PALLD: variants seen among roughly 807,000 people sequenced by gnomAD.
PALLD encodes the protein palladin, cytoskeletal associated protein.
A neutral mutation model predicts 123.5 loss-of-function variants in PALLD; 61 were observed. That is an observed-to-expected ratio of 0.49 (90% CI 0.40 to 0.61). The LOEUF is 0.61. PALLD is among the 20% of genes least tolerant of loss of function. The pLI is 0.00. For missense variants in PALLD, 1,273 were observed against 1,377.0 expected (o/e 0.92, Z 1.20); for synonymous variants, 465 against 496.4 (o/e 0.94, Z 0.84).
intron 2 of PALLD, among the ~76,000 whole-genome samples, chr4:168,639,093 C>T (rs886788217): frequency 3.3e-5 from 5 of 152,178 alleles, no homozygotes; most frequent in African/African-American, 4.8e-5. Flanking sequence ...AGATCAAATG[C>T]CAATTTCCCC....
At chr4:168,916,684 CT>C (rs545906704) in intron 17 of PALLD, among the ~76,000 whole-genome samples, 51 of 136,452 alleles carry the variant, frequency 3.7e-4, no homozygotes, top group African/African-American at 5.1e-4. Flanking sequence ...TTTTCTAATT[CT>C]TTTTTTTTTT....
chr4:168,878,130 C>G lies in PALLD; in HGVS notation c.1965-12792C>G, dbSNP rs1430600488. 2.0e-6 allele frequency: 3 copies of G among 1,483,096 alleles called. No individual in the cohort carries two copies. Among genetic ancestry groups the G allele is most frequent in the Non-Finnish European group, 1.8e-6 (2 of 1,124,134 alleles). 91.9% of individuals were successfully genotyped at this position (1,483,096 alleles called of 1,614,324 possible). A position where few individuals can be genotyped will look rare whatever the true frequency, so the allele number is the denominator to read the frequency against. On this transcript the variant is annotated intron_variant, in intron 10 of 21. Transcript: ENST00000505667. ...CCCTTCGGCGCTGAGCCCGAGGCCC[C>G]GTGGGGCTCCTCCTCGCCGTCGCCC...
At chr4:168,909,274 A>C (rs1758421085) in intron 15 of PALLD, among the ~76,000 whole-genome samples, 1 of 152,164 alleles carries the variant, frequency 6.6e-6, no homozygotes. Context: ...ATGTTTCCTC[A>C]AACTGCATTA....
At chr4:168,828,848 G>A (rs181807747) in intron 10 of PALLD, 150 of 152,388 alleles carry the variant, frequency 9.8e-4, no homozygotes, top group African/African-American at 3.3e-3. Context: ...CAGCGAAGCT[G>A]GAGGGAGTTC....
intron 11 of PALLD, among the ~76,000 whole-genome samples, chr4:168,892,364 C>T (rs546357556): frequency 3.3e-5 from 5 of 152,192 alleles, no homozygotes; most frequent in Admixed American, 1.3e-4. Flanking sequence ...AGAAAGCTCT[C>T]TATAATTATG....
intron 11 of PALLD, among the ~76,000 whole-genome samples, chr4:168,892,619 T>C (rs1490905329): frequency 1.3e-5 from 2 of 152,152 alleles, no homozygotes; most frequent in African/African-American, 4.8e-5. Context: ...CATGTGTAAA[T>C]GTACATACTC....
At chr4:168,608,859 T>TC (rs1281728475) in intron 2 of PALLD, among the ~76,000 whole-genome samples, 5 of 151,924 alleles carry the variant, frequency 3.3e-5, no homozygotes, top group Admixed American at 3.3e-4. Context: ...TATTTTTTTT[T>TC]TTTTTTTGCC....
chr4:168,752,153 G>C (rs1355907856), intron 10 of PALLD, among the ~76,000 whole-genome samples: 1 of 152,202 alleles, frequency 6.6e-6, no homozygotes, highest in Non-Finnish European at 1.5e-5. Context: ...CGGGTGGATT[G>C]CTTGAGCACA....
intron 2 of PALLD, among the ~76,000 whole-genome samples, chr4:168,540,806 GAA>G (rs137855493): frequency 1.0e-4 from 15 of 143,482 alleles, no homozygotes; most frequent in Middle Eastern, 3.6e-3. Flanking sequence ...CAGGTGGGAA[GAA>G]AAAAAAAAAA....
Position 168,890,933 on chromosome 4 carries a change from A to T in PALLD, c.1976A>T (p.Lys659Met), listed in dbSNP as rs766621175. The change falls in exon 11 of 22, where the codon AAG becomes ATG. Residue 659 changes from lysine (K) to methionine (M), a missense_variant. Coordinates refer to ENST00000505667, the MANE Select transcript of PALLD (RefSeq NM_001166108.2). ...TTTTTATCCTGCAGAGGATTTCCAA[A>T]GAAGGCCAGTAGAACTGCTAGAATA... ...LLAKPKLGFP[K>M]KASRTARIAS... is the part of the protein sequence containing the mutation. 1.2e-6 allele frequency: 2 copies of T among 1,613,966 alleles called. No homozygotes were observed. The highest frequency in any genetic ancestry group is 2.2e-5 in the South Asian group (2 of 91,084).
chr4:168,559,624 T>A (rs553540227), intron 2 of PALLD, among the ~76,000 whole-genome samples: 1 of 152,126 alleles, frequency 6.6e-6, no homozygotes, highest in East Asian at 1.9e-4. Context: ...AGGCTGGGTG[T>A]GGTGGCTCAC....
At chr4:168,676,832 G>A (rs956820491) in intron 3 of PALLD, among the ~76,000 whole-genome samples, 2 of 151,922 alleles carry the variant, frequency 1.3e-5, no homozygotes, top group Non-Finnish European at 2.9e-5. Flanking sequence ...GCCCACCTCG[G>A]CCTCCCAAAG....
At chr4:168,546,133 G>A (rs1766113466) in intron 2 of PALLD, among the ~76,000 whole-genome samples, 1 of 152,064 alleles carries the variant, frequency 6.6e-6, no homozygotes, top group South Asian at 2.1e-4. Flanking sequence ...TTGAGAGTAA[G>A]GAACAGAGAA....
chr4:168,870,740 A>G (rs776593304), intron 10 of PALLD, among the ~76,000 whole-genome samples: 4 of 152,238 alleles, frequency 2.6e-5, no homozygotes, highest in Non-Finnish European at 5.9e-5. Flanking sequence ...GAAAGGATAA[A>G]TAAAATATCC....
chr4:168,831,302 A>G (rs1744165695), intron 10 of PALLD, among the ~76,000 whole-genome samples: 3 of 141,632 alleles, frequency 2.1e-5, no homozygotes, highest in Admixed American at 1.4e-4. Flanking sequence ...TGTGTAGATG[A>G]GCGTTAAAAT....
At chr4:168,813,223 A>G (rs771466404) in intron 10 of PALLD, among the ~76,000 whole-genome samples, 3 of 152,192 alleles carry the variant, frequency 2.0e-5, no homozygotes, top group Non-Finnish European at 4.4e-5. Flanking sequence ...GTAGAAGGTA[A>G]GGAGGAGATT....
At chr4:168,653,980 A>G (rs1778315149) in intron 2 of PALLD, among the ~76,000 whole-genome samples, 1 of 149,982 alleles carries the variant, frequency 6.7e-6, no homozygotes, top group East Asian at 2.0e-4. Flanking sequence ...GATTACAGGC[A>G]TGAGATCAGT....
chr4:168,726,066 C>T (rs1025120017), intron 10 of PALLD, among the ~76,000 whole-genome samples: 1 of 152,176 alleles, frequency 6.6e-6, no homozygotes, highest in Admixed American at 6.5e-5. Context: ...TAGGATTACT[C>T]ATGATGAAGC....
chr4:168,845,549 A>G (rs1746714030), intron 10 of PALLD, among the ~76,000 whole-genome samples: 1 of 152,246 alleles, frequency 6.6e-6, no homozygotes, highest in Admixed American at 6.5e-5. Flanking sequence ...ATGATTTAAA[A>G]TATACAGGAG....
Sources: gnomAD v4.1 joint callset for allele counts (sites outside exome capture counted in the v4.1 genomes callset) on GRCh38, gnomAD v4.1.1 for gene constraint, MANE v1.5 for transcripts, NCBI Gene and HGNC (gene_info 2026-07-23, HGNC 2026-07-21) for gene names.